Variants in TMEM108 observed in about 807,000 individuals in gnomAD.
TMEM108 encodes transmembrane protein 108, also known as cancer/testis antigen 124.
In TMEM108, 12 loss-of-function variants were observed where a neutral mutation model predicts 35.1. That is an observed-to-expected ratio of 0.34 (90% CI 0.22 to 0.55). TMEM108 has a LOEUF of 0.55. Among genes scored for constraint, TMEM108 ranks in the 20% least tolerant of loss-of-function variants. The probability of loss-of-function intolerance (pLI) is 0.89; values close to 1 mark genes in which losing one functional copy is unlikely to be tolerated. For missense variants in TMEM108, 680 were observed against 753.3 expected (o/e 0.90, Z 1.14); for synonymous variants, 287 against 308.6 (o/e 0.93, Z 0.73).
intron 2 of TMEM108, among the ~76,000 whole-genome samples, chr3:133,101,560 A>G (rs1322314423): frequency 6.6e-6 from 1 of 152,226 alleles, no homozygotes; most frequent in Admixed American, 6.5e-5. Flanking sequence ...GCCTGCCTAC[A>G]GTCTGGGCTT....
chr3:133,038,840 G>A (rs1400106199), intron 1 of TMEM108, among the ~76,000 whole-genome samples: 1 of 152,206 alleles, frequency 6.6e-6, no homozygotes, highest in African/African-American at 2.4e-5. Context: ...AAACGAAGAA[G>A]AAGAAATGTA....
rs369581977 is a variant in TMEM108, at chr3:133,093,249, C to T, written c.-47+47229C>T. Among the ~76,000 whole-genome samples the T allele has an allele frequency of 1.7e-3, 264 of 152,268 alleles. 1 individual carries two copies. Among genetic ancestry groups the T allele is most frequent in the African/African-American group, 6.1e-3 (253 of 41,554 alleles). ...CAAGCAATCCACCTGCCTTGGCCTC[C>T]CAAAGTGCTGGGATTACAGGCGTGA... On this transcript the variant is annotated intron_variant, in intron 2 of 5. Transcript: ENST00000321871.
At chr3:133,047,684 C>T (rs1943356881) in intron 2 of TMEM108, among the ~76,000 whole-genome samples, 1 of 151,638 alleles carries the variant, frequency 6.6e-6, no homozygotes, top group South Asian at 2.1e-4. Flanking sequence ...CAGAATTGCC[C>T]CTGGTTGAGA....
chr3:133,046,227 T>C (rs891613333), intron 2 of TMEM108, among the ~76,000 whole-genome samples: 1 of 152,236 alleles, frequency 6.6e-6, no homozygotes, highest in African/African-American at 2.4e-5. Context: ...ATGGAATCTA[T>C]GCATGGAAAT....
At chr3:133,222,719 T>C (rs993424360) in intron 2 of TMEM108, among the ~76,000 whole-genome samples, 1 of 152,160 alleles carries the variant, frequency 6.6e-6, no homozygotes, top group Non-Finnish European at 1.5e-5. Flanking sequence ...TCCAGAATTG[T>C]CTACTTTGTT....
intron 3 of TMEM108, among the ~76,000 whole-genome samples, chr3:133,254,185 A>C (rs191422333): frequency 1.3e-5 from 2 of 152,306 alleles, no homozygotes; most frequent in Admixed American, 1.3e-4. Context: ...CAAAATAAAT[A>C]AAATTATTAA....
chr3:133,134,684 T>A (rs533735614), intron 2 of TMEM108, among the ~76,000 whole-genome samples: 3 of 152,204 alleles, frequency 2.0e-5, no homozygotes, highest in Non-Finnish European at 4.4e-5. Context: ...GGATGAGCTG[T>A]AGAGTGGTGA....
At chr3:133,199,372 A>C in intron 2 of TMEM108, among the ~76,000 whole-genome samples, 1 of 152,182 alleles carries the variant, frequency 6.6e-6, no homozygotes, top group East Asian at 1.9e-4. Flanking sequence ...TCTGATTTTT[A>C]GAATTTTCAG....
intron 2 of TMEM108, among the ~76,000 whole-genome samples, chr3:133,178,010 A>G (rs1205639907): frequency 6.6e-6 from 1 of 152,228 alleles, no homozygotes; most frequent in African/African-American, 2.4e-5. Flanking sequence ...GCATTCTTAT[A>G]CATCAATAAC....
chr3:133,208,159 C>T (rs1388185789), intron 2 of TMEM108, among the ~76,000 whole-genome samples: 3 of 152,278 alleles, frequency 2.0e-5, no homozygotes, highest in Non-Finnish European at 4.4e-5. Flanking sequence ...TGTTGAAGCA[C>T]AGATTACTGG....
intron 3 of TMEM108, among the ~76,000 whole-genome samples, chr3:133,293,290 C>A (rs888062573): frequency 1.3e-5 from 2 of 151,734 alleles, no homozygotes; most frequent in African/African-American, 2.4e-5. Flanking sequence ...TAGCACTTCT[C>A]TCCATGAAAG....
At chr3:133,381,427 T>A (rs1020709033) in intron 4 of TMEM108, among the ~76,000 whole-genome samples, 1 of 151,554 alleles carries the variant, frequency 6.6e-6, no homozygotes, top group Non-Finnish European at 1.5e-5. Flanking sequence ...ACCCTGCATT[T>A]TGCAGAAAAA....
rs58513827 is a variant in TMEM108 at position 133,318,920 on chromosome 3, C to CAAAA, written c.41-60824_41-60821dup. ...GAAGCAGCAAATTCTGCGAGATAGG[C>CAAAA]AAAAAAAAAAACTCAGGGGAAGTGT... On this transcript the variant is annotated intron_variant, in intron 3 of 5. Transcript: ENST00000321871. 8.1e-5 allele frequency among the ~76,000 whole-genome samples: 11 copies of CAAAA among 136,030 alleles called. 1 individual carries two copies. The highest frequency in any genetic ancestry group is 1.1e-4 in the Non-Finnish European group (7 of 64,978). The allele number at this position is 136,030 out of a possible 152,430, so 89.2% of individuals were successfully genotyped here. A position where few individuals can be genotyped will look rare whatever the true frequency, so the allele number is the denominator to read the frequency against.
chr3:133,039,282 T>C (rs1056777665), intron 1 of TMEM108, among the ~76,000 whole-genome samples: 1 of 152,222 alleles, frequency 6.6e-6, no homozygotes, highest in Non-Finnish European at 1.5e-5. Flanking sequence ...GGAAAGGTTG[T>C]AGTTTCTGCA....
At chr3:133,227,595 C>A (rs1946093046) in intron 2 of TMEM108, among the ~76,000 whole-genome samples, 1 of 151,614 alleles carries the variant, frequency 6.6e-6, no homozygotes, top group South Asian at 2.1e-4. Flanking sequence ...CATTGATGAG[C>A]CTTAAAAACA....
intron 3 of TMEM108, among the ~76,000 whole-genome samples, chr3:133,278,557 C>T (rs1385100410): frequency 6.6e-6 from 1 of 152,180 alleles, no homozygotes; most frequent in Non-Finnish European, 1.5e-5. Flanking sequence ...TAGCCTATTG[C>T]TCCTAGGCTA....
chr3:133,041,606 T>C (rs1343594744), intron 1 of TMEM108, among the ~76,000 whole-genome samples: 1 of 152,240 alleles, frequency 6.6e-6, no homozygotes, highest in Non-Finnish European at 1.5e-5. Flanking sequence ...GATTGAGGAA[T>C]GGCTGTGATT....
At position 133,388,431 on chromosome 3, in the gene TMEM108, C is replaced by T. The variant is rs933635892; in HGVS notation, c.1451-1749C>T. 2.0e-6 allele frequency: 2 copies of T among 985,406 alleles called. 1 individual carries two copies. Among genetic ancestry groups the T allele is most frequent in the Middle Eastern group, 1.0e-3 (2 of 1,914 alleles). 61.0% of individuals were successfully genotyped at this position (985,406 alleles called of 1,614,324 possible). A position where few individuals can be genotyped will look rare whatever the true frequency, so the allele number is the denominator to read the frequency against. ...GCAAGTTTCAGGCTGAGCACCACAG[C>T]CCCCTCCTTGCCCCTTTCCTCTTCA... On this transcript the variant is annotated intron_variant, in intron 4 of 5. Transcript: ENST00000321871.
intron 2 of TMEM108, among the ~76,000 whole-genome samples, chr3:133,155,366 G>A (rs952130126): frequency 1.3e-5 from 2 of 152,052 alleles, no homozygotes; most frequent in African/African-American, 4.8e-5. Context: ...TATTCTTCTG[G>A]GTATATACCC....
Sources: allele counts gnomAD v4.1 joint callset (sites outside exome capture counted in the v4.1 genomes callset), GRCh38; gene constraint gnomAD v4.1.1; transcripts MANE v1.5; gene names NCBI Gene and HGNC (gene_info 2026-07-23, HGNC 2026-07-21).